DAB1: variants seen among roughly 807,000 people sequenced by gnomAD.
DAB1 encodes the protein disabled homolog 1.
In DAB1, 15 loss-of-function variants were observed where a neutral mutation model predicts 64.6. The ratio of observed to expected loss-of-function variants is 0.23; its 90% CI spans 0.16 to 0.36. The LOEUF (loss-of-function observed/expected upper bound fraction) is 0.36. Ranked by LOEUF, DAB1 falls within the 10% of genes least tolerant of loss-of-function variation. The pLI is 1.00. For synonymous variants in DAB1, 235 were observed against 251.9 expected (o/e 0.93, Z 0.64); for missense variants, 596 against 706.7 (o/e 0.84, Z 1.78).
At chr1:57,658,306 CTT>C (rs1165560066) in intron 6 of DAB1, among the ~76,000 whole-genome samples, 14 of 131,208 alleles carry the variant, frequency 1.1e-4, no homozygotes, top group African/African-American at 2.0e-4. Flanking sequence ...CAATTTTGTT[CTT>C]TTTTTTTTTT....
chr1:58,103,877 G>T (rs1651477285), intron 5 of DAB1, among the ~76,000 whole-genome samples: 1 of 151,950 alleles, frequency 6.6e-6, no homozygotes, highest in South Asian at 2.1e-4. Context: ...CTAGTAACTT[G>T]CTTGTACATT....
At chr1:58,372,895 G>A (rs370325334) in intron 3 of DAB1, among the ~76,000 whole-genome samples, 18 of 152,000 alleles carry the variant, frequency 1.2e-4, no homozygotes, top group South Asian at 8.3e-4. Context: ...AGAACTGTGC[G>A]TCAATTAAAC....
intron 4 of DAB1, among the ~76,000 whole-genome samples, chr1:57,077,793 G>A (rs1277883899): frequency 6.6e-6 from 1 of 151,798 alleles, no homozygotes; most frequent in Non-Finnish European, 1.5e-5. Context: ...TTTTTTTAAA[G>A]AATAAATTCT....
At chr1:58,524,446 T>C (rs1419041698) in intron 2 of DAB1, among the ~76,000 whole-genome samples, 1 of 152,234 alleles carries the variant, frequency 6.6e-6, no homozygotes, top group East Asian at 1.9e-4. Context: ...TATAATGACT[T>C]TGCTTTTTCT....
chr1:58,489,113 C>T (rs918920841), intron 3 of DAB1, among the ~76,000 whole-genome samples: 4 of 152,180 alleles, frequency 2.6e-5, no homozygotes, highest in African/African-American at 4.8e-5. Context: ...GTCGGTGCAG[C>T]GCACCGAGCG....
At chr1:57,153,314 C>T (rs1659875239) in intron 2 of DAB1, among the ~76,000 whole-genome samples, 1 of 152,364 alleles carries the variant, frequency 6.6e-6, no homozygotes, top group South Asian at 2.1e-4. Flanking sequence ...GCATGAGCCA[C>T]CGCACCCAGC....
intron 5 of DAB1, among the ~76,000 whole-genome samples, chr1:58,089,790 C>T (rs568235903): frequency 1.3e-5 from 2 of 152,328 alleles, no homozygotes; most frequent in South Asian, 4.1e-4. Context: ...ATAATGGCCT[C>T]TTGTTAGGCC....
chr1:57,350,093 T>C (rs769163896), intron 1 of DAB1, among the ~76,000 whole-genome samples: 47 of 152,212 alleles, frequency 3.1e-4, no homozygotes, highest in Non-Finnish European at 5.3e-4. Flanking sequence ...TGGCACATCA[T>C]CCTGAAAAGT....
chr1:57,480,674 AG>A (rs577465592), intron 7 of DAB1, among the ~76,000 whole-genome samples: 313 of 152,150 alleles, frequency 2.1e-3, no homozygotes, highest in Admixed American at 4.9e-3. Flanking sequence ...TAGTAGAGAC[AG>A]GGTTTCACCA....
chr1:57,650,817 C>T (rs1027092120), intron 6 of DAB1, among the ~76,000 whole-genome samples: 10 of 152,142 alleles, frequency 6.6e-5, no homozygotes, highest in African/African-American at 2.4e-4. Context: ...CTGAAGATAA[C>T]ACTGCACTGG....
At chr1:57,191,461 C>A (rs965646890) in intron 2 of DAB1, among the ~76,000 whole-genome samples, 4 of 152,194 alleles carry the variant, frequency 2.6e-5, no homozygotes, top group Non-Finnish European at 5.9e-5. Flanking sequence ...TGTCTCATTT[C>A]TTGAGGACCA....
chr1:58,129,195 T>A (rs895100803), intron 5 of DAB1, among the ~76,000 whole-genome samples: 7 of 151,502 alleles, frequency 4.6e-5, no homozygotes, highest in Admixed American at 4.6e-4. Context: ...GGAGACTGTA[T>A]GTGTCCAGGA....
chr1:57,786,041 A>G (rs2101851307), intron 6 of DAB1, among the ~76,000 whole-genome samples: 1 of 152,282 alleles, frequency 6.6e-6, no homozygotes, highest in South Asian at 2.1e-4. Context: ...GCAGCTATCA[A>G]TATCAAAGCA....
chr1:57,150,681 G>T (rs1659570522), intron 2 of DAB1, among the ~76,000 whole-genome samples: 1 of 152,308 alleles, frequency 6.6e-6, no homozygotes. Context: ...GAGCTACAGA[G>T]GAGAGATGGC....
At chr1:57,992,049 T>C (rs1229716065) in intron 5 of DAB1, among the ~76,000 whole-genome samples, 2 of 152,026 alleles carry the variant, frequency 1.3e-5, no homozygotes, top group African/African-American at 2.4e-5. Flanking sequence ...TTGATGGCTG[T>C]CTCTTCCACA....
chr1:57,904,684 G>C (rs11811755), intron 5 of DAB1, among the ~76,000 whole-genome samples: 2,374 of 152,262 alleles, frequency 0.016, 80 homozygotes, highest in African/African-American at 0.054. Context: ...GGCAGAGTAT[G>C]CCAGGCAGAG....
intron 1 of DAB1, among the ~76,000 whole-genome samples, chr1:57,321,457 T>G (rs1022695832): frequency 1.3e-5 from 2 of 152,098 alleles, no homozygotes; most frequent in Non-Finnish European, 2.9e-5. Context: ...TGTTCAAGTC[T>G]ACATCTGCCA....
chr1:57,834,662 C>T (rs925842370), intron 1 of DAB1, among the ~76,000 whole-genome samples: 6 of 150,910 alleles, frequency 4.0e-5, no homozygotes, highest in African/African-American at 4.9e-5. Flanking sequence ...TGCACATATA[C>T]GTATGTGTAC....
At chr1:58,375,609 C>A (rs1479330490) in intron 3 of DAB1, among the ~76,000 whole-genome samples, 1 of 147,784 alleles carries the variant, frequency 6.8e-6, no homozygotes, top group Admixed American at 6.8e-5. Flanking sequence ...ATTTTTGCAT[C>A]AATGTTCATC....
Sources: allele counts gnomAD v4.1 joint callset (sites outside exome capture counted in the v4.1 genomes callset), GRCh38; gene constraint gnomAD v4.1.1; transcripts MANE v1.5; gene names NCBI Gene and HGNC (gene_info 2026-07-23, HGNC 2026-07-21).